Variants in SRPK1 observed in about 807,000 individuals in gnomAD.
The protein encoded by SRPK1 is SFRS protein kinase 1.
SRPK1 carries 52 observed loss-of-function variants against 89.5 expected under a neutral mutation model. That is an observed-to-expected ratio of 0.58 (90% CI 0.46 to 0.73). The LOEUF (loss-of-function observed/expected upper bound fraction) is 0.73, where lower values mean the gene tolerates loss of function less well. Among genes scored for constraint, SRPK1 ranks in the 30% least tolerant of loss-of-function variants. The probability of loss-of-function intolerance (pLI) is 0.00; values close to 1 mark genes in which losing one functional copy is unlikely to be tolerated. For missense variants in SRPK1, 603 were observed against 780.6 expected (o/e 0.77, Z 2.71); for synonymous variants, 255 against 270.2 (o/e 0.94, Z 0.55).
At chr6:35,859,863 T>C (rs1344452116) in intron 12 of SRPK1, among the ~76,000 whole-genome samples, 1 of 145,820 alleles carries the variant, frequency 6.9e-6, no homozygotes, top group East Asian at 2.0e-4. Context: ...AACGTAGTCT[T>C]TTTTTTTTTT....
At chr6:35,854,034 T>A (rs929703231) in intron 13 of SRPK1, among the ~76,000 whole-genome samples, 2 of 152,112 alleles carry the variant, frequency 1.3e-5, no homozygotes, top group Non-Finnish European at 2.9e-5. Context: ...CACTGCAGCC[T>A]CTGCCTCCCA....
At chr6:35,864,011 C>T (rs1371918081) in intron 12 of SRPK1, among the ~76,000 whole-genome samples, 2 of 152,004 alleles carry the variant, frequency 1.3e-5, no homozygotes, top group Non-Finnish European at 2.9e-5. Flanking sequence ...AAACTCAATC[C>T]CTATCTCTCG....
intron 2 of SRPK1, among the ~76,000 whole-genome samples, chr6:35,913,729 C>T (rs1226455902): frequency 5.4e-5 from 8 of 147,528 alleles, no homozygotes; most frequent in African/African-American, 1.3e-4. Flanking sequence ...ACCCAGGAGG[C>T]GGAAGTTGCA....
At chr6:35,881,653 A>C (rs1309893396) in intron 6 of SRPK1, among the ~76,000 whole-genome samples, 2 of 152,186 alleles carry the variant, frequency 1.3e-5, no homozygotes, top group Admixed American at 1.3e-4. Context: ...ATAAGAGATA[A>C]AGAAGGACAT....
At chr6:35,857,078 C>A in intron 13 of SRPK1, 183 bp downstream of exon 13, 1 of 515,158 alleles carries the variant, frequency 1.9e-6, no homozygotes, top group East Asian at 3.0e-5. Flanking sequence ...TAGCAGTAAC[C>A]AAATGAAATG....
intron 6 of SRPK1, among the ~76,000 whole-genome samples, chr6:35,884,922 C>T (rs1236799032): frequency 6.6e-6 from 1 of 152,012 alleles, no homozygotes; most frequent in Non-Finnish European, 1.5e-5. Flanking sequence ...ATCACTTGAA[C>T]CCAGGAGGCA....
intron 12 of SRPK1, among the ~76,000 whole-genome samples, 169 bp downstream of exon 12, chr6:35,868,841 T>C (rs959000124): frequency 6.6e-6 from 1 of 152,242 alleles, no homozygotes; most frequent in African/African-American, 2.4e-5. Flanking sequence ...CTTTCGTAAG[T>C]ATATTTAAAC....
At position 35,857,645 on chromosome 6, in the gene SRPK1, T is replaced by TTAC. The variant is rs553861723; in HGVS notation, c.1513-278_1513-277insGTA. Among the ~76,000 whole-genome samples the TTAC allele has an allele frequency of 2.2e-4, 33 of 152,354 alleles. No individual in the cohort carries two copies. In the East Asian group the frequency reaches 5.4e-3, roughly 25 times the overall value. On this transcript the variant is annotated intron_variant, in intron 12 of 15. Coordinates refer to ENST00000373825, the MANE Select transcript of SRPK1 (RefSeq NM_003137.5). ...CAGCTTTTTTCTTTTTAAAAATTGTTTTAGTAAAGATGGGGTCTCGCTATG... is the reference window on the plus strand; with the variant it reads ...CAGCTTTTTTCTTTTTAAAAATTGTTTACTTAGTAAAGATGGGGTCTCGCTATG...
At position 35,835,052 on chromosome 6, in the gene SRPK1, T is replaced by C; in HGVS notation, c.*252A>G. On this transcript the variant is annotated 3_prime_UTR_variant, in exon 16 of 16. Transcript: ENST00000373825. ...GAAGGAAAGGTACAGGGCAAGAGGC[T>C]GTTTCACATTTTAGTCCATTAGTCT... The C allele has an allele frequency of 2.7e-6, 1 of 371,658 alleles. No homozygotes were observed. The highest frequency in any genetic ancestry group is 2.0e-5 in the African/African-American group (1 of 49,996). The allele number at this position is 371,658 out of a possible 1,614,324, so 23.0% of individuals were successfully genotyped here.
chr6:35,841,830 CAAAAAAAAAAAAAA>C (rs749935901), intron 14 of SRPK1, among the ~76,000 whole-genome samples: 174 of 44,746 alleles, frequency 3.9e-3, no homozygotes, highest in African/African-American at 0.01. Flanking sequence ...GACTCCGTCT[CAAAAAAAAAAAAAA>C]AAAAAAAAAA....
chr6:35,872,351 C>A (rs2127247293), intron 8 of SRPK1, among the ~76,000 whole-genome samples: 1 of 152,262 alleles, frequency 6.6e-6, no homozygotes, highest in Non-Finnish European at 1.5e-5. Context: ...TACACACCAG[C>A]TTTTATAACA....
chr6:35,865,327 T>C (rs539417603), intron 12 of SRPK1, among the ~76,000 whole-genome samples: 34 of 152,044 alleles, frequency 2.2e-4, no homozygotes, highest in African/African-American at 8.2e-4. Context: ...TATGTACCCA[T>C]TAAAAATTAA....
chr6:35,915,020 T>C (rs1384626231), intron 2 of SRPK1, among the ~76,000 whole-genome samples: 4 of 152,118 alleles, frequency 2.6e-5, no homozygotes, highest in Non-Finnish European at 5.9e-5. Flanking sequence ...GGTCTTGAAC[T>C]CCTGACCTCA....
chr6:35,882,222 G>C (rs556238111), intron 6 of SRPK1, among the ~76,000 whole-genome samples: 1 of 151,546 alleles, frequency 6.6e-6, no homozygotes, highest in South Asian at 2.1e-4. Context: ...CATTTGGTGA[G>C]ATTGAAACAC....
chr6:35,903,880 C>T (rs185319994), intron 2 of SRPK1, among the ~76,000 whole-genome samples: 117 of 152,232 alleles, frequency 7.7e-4, no homozygotes, highest in African/African-American at 2.5e-3. Flanking sequence ...AATCATGGCA[C>T]GTAGCAGCCT....
intron 2 of SRPK1, among the ~76,000 whole-genome samples, chr6:35,912,273 C>A (rs1034324357): frequency 6.6e-6 from 1 of 152,118 alleles, no homozygotes; most frequent in Non-Finnish European, 1.5e-5. Flanking sequence ...AACGCATGCA[C>A]CCAGGAGTTC....
At position 35,900,737 on chromosome 6, in the gene SRPK1, C is replaced by T. The variant is rs189753933; in HGVS notation, c.75-9724G>A. Among the ~76,000 whole-genome samples, 597 of 152,158 alleles carry T rather than the reference C, an allele frequency of 3.9e-3. 2 individuals carry two copies. Among genetic ancestry groups the T allele is most frequent in the African/African-American group, 0.013 (530 of 41,520 alleles). ...TGTGACATTTGAGTAAGGAGGTGAGCGATGCTGGGAGTTTATCTGGAATGA... is the reference window on the plus strand; with the variant it reads ...TGTGACATTTGAGTAAGGAGGTGAGTGATGCTGGGAGTTTATCTGGAATGA... On this transcript the variant is annotated intron_variant, in intron 2 of 15. Coordinates refer to ENST00000373825, the MANE Select transcript of SRPK1 (RefSeq NM_003137.5).
intron 13 of SRPK1, among the ~76,000 whole-genome samples, chr6:35,854,981 A>AC (rs1769637299): frequency 6.6e-6 from 1 of 152,152 alleles, no homozygotes; most frequent in Non-Finnish European, 1.5e-5. Flanking sequence ...TTAAAACCTT[A>AC]CTTCAGACAG....
chr6:35,848,746 G>A (rs1315270793), intron 13 of SRPK1, among the ~76,000 whole-genome samples: 1 of 152,180 alleles, frequency 6.6e-6, no homozygotes, highest in East Asian at 1.9e-4. Context: ...CAAGAATACA[G>A]AATGGGAAAA....
Sources: gnomAD v4.1 joint callset for allele counts (sites outside exome capture counted in the v4.1 genomes callset) on GRCh38, gnomAD v4.1.1 for gene constraint, MANE v1.5 for transcripts, NCBI Gene and HGNC (gene_info 2026-07-23, HGNC 2026-07-21) for gene names.